The following CNTNAP2 variants were observed in gnomAD, a reference collection of about 807,000 sequenced individuals.
The protein encoded by CNTNAP2 is contactin associated protein 2, also known as contactin-associated protein-like 2.
Under a neutral mutation model 155.2 loss-of-function variants are expected in CNTNAP2, and 98 were observed. The observed-to-expected ratio is 0.63, with a 90% confidence interval of 0.54 to 0.75. The LOEUF (loss-of-function observed/expected upper bound fraction) is 0.75. CNTNAP2 is among the 30% of genes least tolerant of loss of function. CNTNAP2 has a pLI of 0.00. For missense variants in CNTNAP2, 1,727 were observed against 1,688.1 expected, an observed-to-expected ratio of 1.02 and a Z score of -0.40; for synonymous variants, 651 against 631.2, an observed-to-expected ratio of 1.03 and a Z score of -0.47.
intron 1 of CNTNAP2, among the ~76,000 whole-genome samples, chr7:146,400,277 A>C (rs868688058): frequency 1.6e-4 from 24 of 146,482 alleles, no homozygotes; most frequent in Admixed American, 1.2e-3. Flanking sequence ...AAAAAAAAAA[A>C]ATATGAAAAA....
chr7:148,363,566 C>T (rs1464093909), intron 21 of CNTNAP2, among the ~76,000 whole-genome samples: 1 of 152,182 alleles, frequency 6.6e-6, no homozygotes, highest in Non-Finnish European at 1.5e-5. Context: ...AACCTCTGTA[C>T]GTGTGTTTCC....
chr7:148,285,208 G>A (rs1797058736), intron 21 of CNTNAP2, among the ~76,000 whole-genome samples: 1 of 152,144 alleles, frequency 6.6e-6, no homozygotes, highest in Non-Finnish European at 1.5e-5. Flanking sequence ...TGTGGTCTAA[G>A]TAAGAATTAT....
chr7:147,663,187 C>CG (rs56257734), intron 13 of CNTNAP2, among the ~76,000 whole-genome samples: 152,228 of 152,276 alleles, frequency 1, 76,090 homozygotes, highest in Middle Eastern at 1. Flanking sequence ...TTCGTAGGGA[C>CG]GGGTTTCACC....
chr7:146,498,135 G>A (rs1320642824), intron 1 of CNTNAP2, among the ~76,000 whole-genome samples: 1 of 152,074 alleles, frequency 6.6e-6, no homozygotes, highest in Non-Finnish European at 1.5e-5. Context: ...GATGATCTTG[G>A]AGAGCCTATC....
At chr7:146,436,818 C>T (rs150234699) in intron 1 of CNTNAP2, among the ~76,000 whole-genome samples, 2 of 151,566 alleles carry the variant, frequency 1.3e-5, no homozygotes, top group African/African-American at 4.9e-5. Flanking sequence ...CATGTTATTC[C>T]GTTATATTAA....
intron 13 of CNTNAP2, among the ~76,000 whole-genome samples, chr7:147,697,211 A>C (rs896609498): frequency 1.3e-5 from 2 of 152,116 alleles, no homozygotes; most frequent in Non-Finnish European, 2.9e-5. Context: ...TTTATTCCTT[A>C]GCATTTCTTT....
intron 9 of CNTNAP2, among the ~76,000 whole-genome samples, chr7:147,371,297 A>G (rs1469714313): frequency 6.6e-6 from 1 of 152,174 alleles, no homozygotes; most frequent in African/African-American, 2.4e-5. Context: ...TACATTTATG[A>G]GAATGATTTT....
intron 13 of CNTNAP2, among the ~76,000 whole-genome samples, chr7:147,835,956 C>T (rs1798626320): frequency 6.6e-6 from 1 of 152,198 alleles, no homozygotes; most frequent in African/African-American, 2.4e-5. Context: ...GGAGGGAGTG[C>T]AGTCCTGCTG....
At chr7:146,398,417 T>C (rs1795665684) in intron 1 of CNTNAP2, among the ~76,000 whole-genome samples, 1 of 151,980 alleles carries the variant, frequency 6.6e-6, no homozygotes. Flanking sequence ...TCAGATCTCA[T>C]GAGAACTTAC....
intron 2 of CNTNAP2, among the ~76,000 whole-genome samples, chr7:146,814,023 C>T (rs1232510427): frequency 6.6e-6 from 1 of 152,130 alleles, no homozygotes; most frequent in Non-Finnish European, 1.5e-5. Context: ...CCTCTCAGCC[C>T]TGCAGAACTG....
chr7:147,948,829 G>A (rs986627413), intron 14 of CNTNAP2, among the ~76,000 whole-genome samples: 17 of 151,708 alleles, frequency 1.1e-4, no homozygotes, highest in Non-Finnish European at 2.2e-4. Flanking sequence ...ATAAACAATC[G>A]ACTACCACAT....
chr7:146,619,312 A>G (rs973150773), intron 1 of CNTNAP2, among the ~76,000 whole-genome samples: 5 of 152,148 alleles, frequency 3.3e-5, no homozygotes, highest in African/African-American at 9.7e-5. Context: ...CACTACATGA[A>G]GAAAAATATT....
chr7:147,374,764 C>G (rs1469301287), intron 9 of CNTNAP2, among the ~76,000 whole-genome samples: 1 of 151,906 alleles, frequency 6.6e-6, no homozygotes, highest in African/African-American at 2.4e-5. Flanking sequence ...TTTGAGGGGC[C>G]CTTTTCCTGG....
At chr7:147,914,317 GA>G (rs1800120841) in intron 14 of CNTNAP2, among the ~76,000 whole-genome samples, 1 of 152,114 alleles carries the variant, frequency 6.6e-6, no homozygotes, top group African/African-American at 2.4e-5. Flanking sequence ...AAGGTGGGCA[GA>G]TCACCTGAGG....
At chr7:148,119,949 A>G (rs1294299683) in intron 16 of CNTNAP2, among the ~76,000 whole-genome samples, 2 of 151,864 alleles carry the variant, frequency 1.3e-5, no homozygotes, top group African/African-American at 2.4e-5. Context: ...CCTTTACTGA[A>G]TTCTGGATAA....
At chr7:147,570,812 C>T (rs1279339603) in intron 12 of CNTNAP2, among the ~76,000 whole-genome samples, 5 of 152,140 alleles carry the variant, frequency 3.3e-5, no homozygotes, top group Admixed American at 2.0e-4. Flanking sequence ...TTGTAGTTAC[C>T]GTGTGTATGT....
At chr7:147,283,335 CTG>C (rs1186853513) in intron 8 of CNTNAP2, among the ~76,000 whole-genome samples, 3 of 151,486 alleles carry the variant, frequency 2.0e-5, no homozygotes, top group Non-Finnish European at 4.4e-5. Context: ...TTAAAAAAAA[CTG>C]AACATACCTA....
intron 13 of CNTNAP2, among the ~76,000 whole-genome samples, chr7:147,695,154 ACTAT>A (rs1467561219): frequency 6.6e-6 from 1 of 152,186 alleles, no homozygotes; most frequent in Non-Finnish European, 1.5e-5. Flanking sequence ...AAAATTTCCA[ACTAT>A]CTTTCTTTTA....
chr7:147,167,622 C>G (rs1802140529), intron 8 of CNTNAP2: 2 of 622,894 alleles, frequency 3.2e-6, no homozygotes, highest in Non-Finnish European at 5.4e-6. Flanking sequence ...GTTTTATATG[C>G]AGCTGTCCTG....
Sources: gnomAD v4.1 joint callset for allele counts (sites outside exome capture counted in the v4.1 genomes callset) on GRCh38, gnomAD v4.1.1 for gene constraint, MANE v1.5 for transcripts, NCBI Gene and HGNC (gene_info 2026-07-23, HGNC 2026-07-21) for gene names.